ZGPAT: variants seen among roughly 807,000 people sequenced by gnomAD.
ZGPAT encodes the protein zinc finger CCCH-type and G-patch domain containing.
A neutral mutation model predicts 47.9 loss-of-function variants in ZGPAT; 39 were observed. The observed-to-expected ratio is 0.81, with a 90% confidence interval of 0.63 to 1.06. ZGPAT has a LOEUF of 1.06. Among genes scored for constraint, ZGPAT ranks in the 50% least tolerant of loss-of-function variants. The pLI is 0.00. For missense variants in ZGPAT, 717 were observed against 681.4 expected (o/e 1.05, Z -0.58); for synonymous variants, 348 against 292.9 (o/e 1.19, Z -1.92).
At chr20:63,730,641 C>A (rs1458480352) in intron 2 of ZGPAT, among the ~76,000 whole-genome samples, 1 of 152,180 alleles carries the variant, frequency 6.6e-6, no homozygotes, top group Admixed American at 6.6e-5. Flanking sequence ...CGCGCCACCA[C>A]ACCCGGCTAA....
chr20:63,720,744 G>A (rs768510891), intron 2 of ZGPAT, among the ~76,000 whole-genome samples: 3 of 152,170 alleles, frequency 2.0e-5, no homozygotes, highest in Non-Finnish European at 2.9e-5. Context: ...GTGAGCCACC[G>A]CACCCGGCCT....
chr20:63,715,838 A>G (rs1162016648), intron 2 of ZGPAT, among the ~76,000 whole-genome samples: 2 of 138,820 alleles, frequency 1.4e-5, no homozygotes, highest in Non-Finnish European at 3.3e-5. Context: ...ATATATAGAG[A>G]GAGAGAGAGA....
At chr20:63,710,302 G>A (rs904264208) in intron 2 of ZGPAT, among the ~76,000 whole-genome samples, 48 of 151,778 alleles carry the variant, frequency 3.2e-4, no homozygotes, top group African/African-American at 7.3e-4. Flanking sequence ...ACAGGCGCCC[G>A]CCACCACACT....
intron 2 of ZGPAT, among the ~76,000 whole-genome samples, chr20:63,717,332 CTTTTTTTTTT>C (rs1173734420): frequency 4.9e-5 from 3 of 60,972 alleles, no homozygotes; most frequent in Admixed American, 5.2e-4. Context: ...TTTTTCTTTT[CTTTTTTTTTT>C]TTTTTTTTTT....
In ZGPAT at chr20:63,733,628, C is replaced by G; in HGVS notation, c.760C>G (p.Leu254Val). ...CTACACAGTCAAGTTTGACTCGCTGCTGCTGAGGGAGGCCGTGGTGGAGGG... is the reference window on the plus strand; with the variant it reads ...CTACACAGTCAAGTTTGACTCGCTGGTGCTGAGGGAGGCCGTGGTGGAGGG... ...GYYTVKFDSL[L>V]LREAVVEGDG... The change falls in exon 4 of 7, where the codon CTG becomes GTG. Residue 254 changes from leucine to valine, a missense_variant. Coordinates refer to ENST00000355969, the MANE Select transcript of ZGPAT (RefSeq NM_181485.3). The G allele has an allele frequency of 6.2e-7, 1 of 1,614,092 alleles. No homozygotes were observed.
At chr20:63,711,174 T>C (rs1258838732) in intron 2 of ZGPAT, among the ~76,000 whole-genome samples, 1 of 152,114 alleles carries the variant, frequency 6.6e-6, no homozygotes, top group African/African-American at 2.4e-5. Flanking sequence ...ATACTACAAG[T>C]GTGCACTGCC....
chr20:63,730,922 T>TTCTCTCTCTCTCTCTCTC (rs33915732), intron 2 of ZGPAT, among the ~76,000 whole-genome samples: 5 of 124,640 alleles, frequency 4.0e-5, no homozygotes, highest in East Asian at 5.9e-4. Flanking sequence ...TTCCTCTTCA[T>TTCTCTCTCTCTCTCTCTC]TCTCTCTCTC....
At chr20:63,721,366 A>G (rs570549832) in intron 2 of ZGPAT, among the ~76,000 whole-genome samples, 57 of 152,028 alleles carry the variant, frequency 3.7e-4, no homozygotes, top group African/African-American at 1.3e-3. Context: ...AAAAAAAAAA[A>G]AAAAAAGGAT....
chr20:63,708,889 C>G lies in ZGPAT; in HGVS notation c.309C>G (p.Thr103=), dbSNP rs763164963. 6.2e-7 allele frequency: 1 copy of G among 1,612,128 alleles called. No individual in the cohort carries two copies. The highest frequency in any genetic ancestry group is 8.5e-7 in the Non-Finnish European group (1 of 1,179,454). Residue 103 remains threonine (T), a synonymous_variant, in exon 2 of 7, where the codon ACC becomes ACG. Transcript: ENST00000355969. ...PAAARGSGSE[T]VPKAEAGPES... The stretch of plus-strand genomic sequence containing the variant: ...CGGCCCGTGGGTCCGGATCAGAGAC[C>G]GTTCCTAAAGCAGAGGCGGGGCCAG...
chr20:63,715,372 T>C (rs563067961), intron 2 of ZGPAT, among the ~76,000 whole-genome samples: 1 of 151,884 alleles, frequency 6.6e-6, no homozygotes, highest in South Asian at 2.1e-4. Flanking sequence ...CCTGAGTAGC[T>C]GGGACTACAG....
chr20:63,723,004 A>G (rs959020474), intron 2 of ZGPAT, among the ~76,000 whole-genome samples: 4 of 152,080 alleles, frequency 2.6e-5, no homozygotes, highest in South Asian at 2.1e-4. Flanking sequence ...CCATTTTCCT[A>G]TAGCACAGTC....
chr20:63,714,896 C>T (rs1363986952), intron 2 of ZGPAT, among the ~76,000 whole-genome samples: 1 of 152,134 alleles, frequency 6.6e-6, no homozygotes, highest in Non-Finnish European at 1.5e-5. Context: ...CTGCCTCAGC[C>T]TCCCAAAGTG....
intron 1 of ZGPAT, 126 bp downstream of exon 1, chr20:63,708,244 G>C (rs933212399): frequency 1.2e-5 from 2 of 164,036 alleles, no homozygotes; most frequent in East Asian, 3.4e-4. Flanking sequence ...CGCCGGGCGG[G>C]GGGGCGCGGC....
chr20:63,735,288 A>G lies in ZGPAT; in HGVS notation c.1121A>G (p.Lys374Arg). The change falls in exon 6 of 7, where the codon AAG becomes AGG. Residue 374 changes from lysine (K) to arginine (R), a missense_variant. Coordinates refer to ENST00000355969, the MANE Select transcript of ZGPAT (RefSeq NM_181485.3). ...AGGGTTGGCAAGGCTGGCACCAACA[A>G]GCCCCCCAGGTGCCGGGGAAGAGGG... ...QTRVGKAGTN[K>R]PPRCRGRGAR... 6.2e-7 allele frequency: 1 copy of G among 1,605,710 alleles called. No individual in the cohort carries two copies. Among genetic ancestry groups the G allele is most frequent in the Non-Finnish European group, 8.5e-7 (1 of 1,176,146 alleles).
At chr20:63,720,834 A>G (rs2091780193) in intron 2 of ZGPAT, among the ~76,000 whole-genome samples, 1 of 152,174 alleles carries the variant, frequency 6.6e-6, no homozygotes, top group African/African-American at 2.4e-5. Context: ...TGAAACCTGC[A>G]CAATTTGAAG....
In ZGPAT at chr20:63,735,306, G is replaced by T. The variant is rs1488275929; in HGVS notation, c.1139G>T (p.Gly380Val). Reference protein sequence around the residue: ...AGTNKPPRCRGRGARPGGRPA... With the variant: ...AGTNKPPRCRVRGARPGGRPA... ...ACCAACAAGCCCCCCAGGTGCCGGG[G>T]AAGAGGGGCCAGGCCTGGGGGCCGC... Residue 380 changes from glycine (G) to valine (V), a missense_variant, in exon 6 of 7, where the codon GGA becomes GTA. Physicochemically the swap from Gly to Val is moderately radical, Grantham distance 109 (BLOSUM62 -3). Coordinates refer to ENST00000355969, the MANE Select transcript of ZGPAT (RefSeq NM_181485.3). 6.3e-7 allele frequency: 1 copy of T among 1,597,980 alleles called. No individual in the cohort carries two copies. The highest frequency in any genetic ancestry group is 1.3e-5 in the African/African-American group (1 of 74,484).
In ZGPAT at chr20:63,735,980, C is replaced by G. The variant is rs922543962; in HGVS notation, c.*61C>G. The G allele has an allele frequency of 6.4e-7, 1 of 1,563,552 alleles. No homozygotes were observed. The highest frequency in any genetic ancestry group is 8.7e-7 in the Non-Finnish European group (1 of 1,151,884). On this transcript the variant is annotated 3_prime_UTR_variant, in exon 7 of 7. Coordinates refer to ENST00000355969, the MANE Select transcript of ZGPAT (RefSeq NM_181485.3). ...CCAGCACGGGCTGCCCTCAGGAAGA[C>G]CAGTGTTGCCCGAGGAGGGGCCGGC... is the stretch of plus-strand genomic sequence containing the variant.
intron 2 of ZGPAT, among the ~76,000 whole-genome samples, 180 bp from the exon 3 acceptor site, chr20:63,733,035 CATGT>C (rs748419588): frequency 1.3e-5 from 2 of 150,264 alleles, no homozygotes; most frequent in African/African-American, 2.5e-5. Context: ...TGAGTGTGTG[CATGT>C]GTGTGTGTAT....
chr20:63,712,126 T>C, intron 2 of ZGPAT, among the ~76,000 whole-genome samples: 1 of 152,250 alleles, frequency 6.6e-6, no homozygotes, highest in Admixed American at 6.5e-5. Flanking sequence ...CTAAGAGTTC[T>C]GTAGTTTTAG....
Sources: gnomAD v4.1 joint callset for allele counts (sites outside exome capture counted in the v4.1 genomes callset) on GRCh38, gnomAD v4.1.1 for gene constraint, MANE v1.5 for transcripts, NCBI Gene and HGNC (gene_info 2026-07-23, HGNC 2026-07-21) for gene names.